IFT80: variants seen among roughly 807,000 people sequenced by gnomAD.
IFT80 encodes intraflagellar transport 80.
IFT80 carries 79 observed loss-of-function variants against 107.9 expected under a neutral mutation model. That is an observed-to-expected ratio of 0.73 (90% confidence interval 0.61 to 0.88). IFT80 has a LOEUF of 0.88. Among genes scored for constraint, IFT80 ranks in the 40% least tolerant of loss-of-function variants. The pLI, the probability that IFT80 is intolerant of heterozygous loss-of-function variation, is 0.00. For missense variants in IFT80, 797 were observed against 914.2 expected, an observed-to-expected ratio of 0.87 and a Z score of 1.65; for synonymous variants, 299 against 300.9, an observed-to-expected ratio of 0.99 and a Z score of 0.07.
At chr3:160,328,656 G>A (rs1718860672) in intron 8 of IFT80, among the ~76,000 whole-genome samples, 1 of 151,804 alleles carries the variant, frequency 6.6e-6, no homozygotes, top group Non-Finnish European at 1.5e-5. Flanking sequence ...ATACCCAAAG[G>A]AATATAAATT....
intron 8 of IFT80, among the ~76,000 whole-genome samples, chr3:160,353,900 A>G (rs899139700): frequency 1.3e-5 from 2 of 152,182 alleles, no homozygotes; most frequent in Non-Finnish European, 2.9e-5. Flanking sequence ...ATTCTAAATA[A>G]AACGACTAGA....
intron 2 of IFT80, chr3:160,384,245 CAA>C (rs201854757): frequency 0.01 from 1,767 of 175,572 alleles, no homozygotes; most frequent in South Asian, 0.018. Flanking sequence ...GACTCTGTCT[CAA>C]AAAAAAAAAA....
intron 1 of IFT80, among the ~76,000 whole-genome samples, chr3:160,387,766 G>A (rs1713052749): frequency 6.6e-6 from 1 of 152,120 alleles, no homozygotes; most frequent in Admixed American, 6.5e-5. Flanking sequence ...ATCAATTTGA[G>A]GGTTGTCAGC....
chr3:160,323,208 T>C (rs2108303848), intron 8 of IFT80, among the ~76,000 whole-genome samples: 1 of 150,228 alleles, frequency 6.7e-6, no homozygotes, highest in Admixed American at 6.7e-5. Context: ...TGAATTAATT[T>C]TTGTATAAGG....
At chr3:160,299,057 A>C in intron 12 of IFT80, 1 of 916,342 alleles carries the variant, frequency 1.1e-6, no homozygotes. Flanking sequence ...TGAATAAGGA[A>C]AGCATAGACA....
intron 9 of IFT80, among the ~76,000 whole-genome samples, chr3:160,318,344 T>C (rs1717970120): frequency 6.6e-6 from 1 of 152,026 alleles, no homozygotes; most frequent in African/African-American, 2.4e-5. Flanking sequence ...AACAGAATAT[T>C]TGAATAGACC....
chr3:160,304,343 G>A (rs1716662885), intron 10 of IFT80, among the ~76,000 whole-genome samples: 1 of 152,024 alleles, frequency 6.6e-6, no homozygotes, highest in South Asian at 2.1e-4. Context: ...AAAAACAGTA[G>A]CAGCATGGCA....
chr3:160,355,954 T>C, intron 8 of IFT80, 59 bp downstream of exon 8: 1 of 1,569,820 alleles, frequency 6.4e-7, no homozygotes, highest in South Asian at 1.1e-5. Context: ...GAACCATGTG[T>C]GTTGTGCATT....
Position 160,311,838 on chromosome 3 carries a change from G to A in IFT80, c.958-4057C>T, listed in dbSNP as rs116700482. Among the ~76,000 whole-genome samples the A allele has an allele frequency of 8.5e-3, 1,297 of 152,238 alleles. 14 individuals carry two copies. The highest frequency in any genetic ancestry group is 0.01 in the Non-Finnish European group (684 of 68,016). Reference sequence around the variant, plus strand: ...GTCTCCTGGGCTGGAGTGCAATGGCGTGATATGCGGCTCACTGCAACCTCC... The same window carrying A: ...GTCTCCTGGGCTGGAGTGCAATGGCATGATATGCGGCTCACTGCAACCTCC... On this transcript the variant is annotated intron_variant, in intron 9 of 19. Coordinates refer to ENST00000326448, the MANE Select transcript of IFT80 (RefSeq NM_020800.3).
At chr3:160,308,692 G>A (rs1717008519) in intron 9 of IFT80, among the ~76,000 whole-genome samples, 1 of 152,098 alleles carries the variant, frequency 6.6e-6, no homozygotes, top group Admixed American at 6.5e-5. Context: ...AGTATGGAAA[G>A]AAAAATAGAA....
intron 11 of IFT80, among the ~76,000 whole-genome samples, chr3:160,303,382 T>C (rs1203916169): frequency 6.6e-6 from 1 of 152,178 alleles, no homozygotes; most frequent in East Asian, 1.9e-4. Flanking sequence ...TAGTCCTGTA[T>C]ACACTGAATG....
intron 1 of IFT80, among the ~76,000 whole-genome samples, 180 bp from the exon 2 acceptor site, chr3:160,384,826 G>A (rs1373870254): frequency 2.6e-5 from 4 of 152,314 alleles, no homozygotes; most frequent in East Asian, 1.9e-4. Flanking sequence ...AAGGGATGAC[G>A]GAGAGCTTTG....
At chr3:160,310,200 A>G (rs979574760) in intron 9 of IFT80, among the ~76,000 whole-genome samples, 14 of 152,342 alleles carry the variant, frequency 9.2e-5, no homozygotes, top group African/African-American at 2.9e-4. Context: ...GAAATGTACA[A>G]AAGAAGCCTG....
intron 12 of IFT80, among the ~76,000 whole-genome samples, chr3:160,290,574 T>TTTTTGTTTTGTTTTG (rs1044286638): frequency 6.6e-6 from 1 of 152,038 alleles, no homozygotes; most frequent in Non-Finnish European, 1.5e-5. Flanking sequence ...TGTTTGTTTG[T>TTTTTGTTTTGTTTTG]TTTTGTTTTG....
intron 6 of IFT80, among the ~76,000 whole-genome samples, chr3:160,359,431 A>G (rs1054157653): frequency 1.1e-4 from 17 of 152,166 alleles, no homozygotes; most frequent in African/African-American, 4.1e-4. Context: ...TGTGATCGAC[A>G]CAGAAGACGG....
chr3:160,300,861 A>G, intron 12 of IFT80, 22 bp downstream of exon 12: 1 of 1,566,166 alleles, frequency 6.4e-7, no homozygotes, highest in Non-Finnish European at 8.7e-7. Flanking sequence ...TTTGACAGGA[A>G]AAATTATAAA....
intron 8 of IFT80, among the ~76,000 whole-genome samples, chr3:160,338,772 G>A (rs942288135): frequency 2.0e-5 from 3 of 152,150 alleles, no homozygotes; most frequent in Admixed American, 6.6e-5. Flanking sequence ...CTCTCAGACT[G>A]TATAATACCA....
At chr3:160,324,374 T>A (rs1400999157) in intron 8 of IFT80, among the ~76,000 whole-genome samples, 1 of 151,854 alleles carries the variant, frequency 6.6e-6, no homozygotes, top group Non-Finnish European at 1.5e-5. Context: ...GATGCAAAAA[T>A]CCTCAATAAA....
Position 160,258,577 on chromosome 3 carries a change from C to G in IFT80, c.2282G>C (p.Arg761Thr), listed in dbSNP as rs112640410. 9.3e-6 allele frequency: 15 copies of G among 1,613,506 alleles called. No homozygotes were observed. Among genetic ancestry groups the G allele is most frequent in the African/African-American group, 8.0e-5 (6 of 74,936 alleles). Residue 761 changes from arginine to threonine, a missense_variant, in exon 20 of 20, where the codon AGA (arginine) becomes ACA (threonine). By Grantham distance (71) the Arg-to-Thr change is moderately conservative (BLOSUM62 -1). Transcript: ENST00000326448. ...GGATTGGCTGCTTGATGATTGCTCT[C>G]TTTCTTTTGTAATTTCCATCTCAAT... is the stretch of plus-strand genomic sequence containing the variant. Reference protein sequence around the residue: ...AKIEMEITKEREQSSSSQSSK... With the variant: ...AKIEMEITKETEQSSSSQSSK...
Sources: gnomAD v4.1 joint callset for allele counts (sites outside exome capture counted in the v4.1 genomes callset) on GRCh38, gnomAD v4.1.1 for gene constraint, MANE v1.5 for transcripts, NCBI Gene and HGNC (gene_info 2026-07-23, HGNC 2026-07-21) for gene names.